Variants in COL23A1 observed in about 807,000 individuals in gnomAD.
COL23A1 encodes the protein collagen alpha-1(XXIII) chain.
Under a neutral mutation model 99.3 loss-of-function variants are expected in COL23A1, and 97 were observed. That is an observed-to-expected ratio of 0.98 (90% confidence interval 0.83 to 1.16). COL23A1 has a LOEUF of 1.16. Among genes scored for constraint, COL23A1 ranks in the 50% most tolerant of loss-of-function variants. The probability of loss-of-function intolerance (pLI) is 0.00; values close to 1 mark genes in which losing one functional copy is unlikely to be tolerated. For missense variants in COL23A1, 762 were observed against 757.4 expected (o/e 1.01, Z -0.07); for synonymous variants, 320 against 308.2 (o/e 1.04, Z -0.40).
In COL23A1 at chr5:178,348,642, G is replaced by A. The variant is rs536975987; in HGVS notation, c.362-41723C>T. 3.9e-5 allele frequency among the ~76,000 whole-genome samples: 6 copies of A among 152,300 alleles called. No homozygotes were observed. In the South Asian group the frequency reaches 6.2e-4, roughly 16 times the overall value. ...GCTGAGCTCCCTGCCTGGCTGCAGA[G>A]CATTCTGCCTCAGGAGGGGAAAGGG... On this transcript the variant is annotated intron_variant, in intron 2 of 28. Coordinates refer to ENST00000390654, the MANE Select transcript of COL23A1 (RefSeq NM_173465.4).
intron 2 of COL23A1, among the ~76,000 whole-genome samples, chr5:178,427,302 C>T (rs1427155184): frequency 6.6e-6 from 1 of 152,230 alleles, no homozygotes; most frequent in African/African-American, 2.4e-5. Flanking sequence ...TATTGGGAAG[C>T]CTCGTCCATT....
chr5:178,269,321 A>T (rs1302264075), intron 6 of COL23A1, among the ~76,000 whole-genome samples: 2 of 149,222 alleles, frequency 1.3e-5, no homozygotes, highest in African/African-American at 2.5e-5. Context: ...CCATCCATCC[A>T]TCCATCCATG....
chr5:178,587,836 T>C (rs1764077728), intron 1 of COL23A1, among the ~76,000 whole-genome samples: 1 of 152,170 alleles, frequency 6.6e-6, no homozygotes, highest in African/African-American at 2.4e-5. Flanking sequence ...CAGTGACATT[T>C]ACAAGAAGAA....
At position 178,446,878 on chromosome 5, in the gene COL23A1, AT is replaced by A. The variant is rs1299610158; in HGVS notation, c.361+113803del. ...CACACCTACTGAATGACTCAAGAGA[AT>A]TTTTAGGAAAAGCCTTAACAGGTTG... On this transcript the variant is annotated intron_variant, in intron 2 of 28. Coordinates refer to ENST00000390654, the MANE Select transcript of COL23A1 (RefSeq NM_173465.4). Among the ~76,000 whole-genome samples the A allele has an allele frequency of 2.0e-5, 3 of 152,284 alleles. No homozygotes were observed. The East Asian group carries it at 5.8e-4, about 29-fold the overall frequency.
At chr5:178,558,149 G>A (rs1461711538) in intron 2 of COL23A1, among the ~76,000 whole-genome samples, 1 of 151,688 alleles carries the variant, frequency 6.6e-6, no homozygotes, top group African/African-American at 2.4e-5. Context: ...GACCTTCTTG[G>A]GGGCCTCTTT....
chr5:178,465,016 G>C (rs2127912909), intron 2 of COL23A1, among the ~76,000 whole-genome samples: 1 of 152,314 alleles, frequency 6.6e-6, no homozygotes, highest in South Asian at 2.1e-4. Context: ...CATTAACATG[G>C]ATGAAGAGGT....
chr5:178,473,128 C>A (rs1397772468), intron 2 of COL23A1, among the ~76,000 whole-genome samples: 2 of 151,676 alleles, frequency 1.3e-5, no homozygotes, highest in African/African-American at 4.8e-5. Flanking sequence ...CTTCGCCATC[C>A]CCCCAAAAAA....
intron 18 of COL23A1, among the ~76,000 whole-genome samples, chr5:178,249,425 G>T (rs1192683808): frequency 6.6e-6 from 1 of 152,244 alleles, no homozygotes; most frequent in Non-Finnish European, 1.5e-5. Context: ...GCACCGCAGG[G>T]CAGGGGCCGG....
At chr5:178,403,120 A>AT (rs1561940540) in intron 2 of COL23A1, among the ~76,000 whole-genome samples, 9 of 89,634 alleles carry the variant, frequency 1.0e-4, no homozygotes, top group African/African-American at 4.1e-4. Flanking sequence ...AAAAAAAAAA[A>AT]AATAAATAAA....
chr5:178,255,002 G>A lies in COL23A1; in HGVS notation c.907C>T (p.Gln303Ter), dbSNP rs1389932496. ...PRGAPGLKGE[Q>*]GDTVVIDYDG... is the part of the protein sequence containing the mutation. ...TAGTCGATCACCACTGTGTCTCCCT[G>A]CTCGCCCTTGAGGCCTGGGGCACCC... Residue 303 changes from glutamine (Q) to a stop codon, truncating the protein, a stop_gained, in exon 16 of 29, where the codon CAG (glutamine) becomes TAG (stop). Coordinates refer to ENST00000390654, the MANE Select transcript of COL23A1 (RefSeq NM_173465.4). LOFTEE classifies it high-confidence loss of function. The surrounding 1 kb of genome is among the most constrained non-coding windows in gnomAD (Gnocchi z 4.2). The A allele has an allele frequency of 2.5e-6, 4 of 1,613,502 alleles. No homozygotes were observed. Among genetic ancestry groups the A allele is most frequent in the Non-Finnish European group, 3.4e-6 (4 of 1,179,700 alleles).
At chr5:178,265,921 G>T (rs1755868728) in intron 8 of COL23A1, 1 of 154,202 alleles carries the variant, frequency 6.5e-6, no homozygotes, top group African/African-American at 2.4e-5. Flanking sequence ...GCCACCTGCG[G>T]CCATGTGACG....
intron 2 of COL23A1, among the ~76,000 whole-genome samples, chr5:178,316,550 A>G (rs1006409420): frequency 6.6e-6 from 1 of 152,170 alleles, no homozygotes; most frequent in African/African-American, 2.4e-5. Context: ...ATCCAGACAG[A>G]ATTCCCGATT....
intron 2 of COL23A1, among the ~76,000 whole-genome samples, chr5:178,412,535 TCTTTA>T (rs1765105139): frequency 6.6e-6 from 1 of 152,232 alleles, no homozygotes. Flanking sequence ...TGTATATCTT[TCTTTA>T]CTTCTCTACC....
At chr5:178,504,314 A>T (rs1002492155) in intron 2 of COL23A1, among the ~76,000 whole-genome samples, 8 of 151,634 alleles carry the variant, frequency 5.3e-5, no homozygotes, top group African/African-American at 1.7e-4. Context: ...AATGCCAATT[A>T]AAAAAAAACC....
At chr5:178,273,772 G>A (rs891741117) in intron 5 of COL23A1, among the ~76,000 whole-genome samples, 1 of 152,246 alleles carries the variant, frequency 6.6e-6, no homozygotes, top group African/African-American at 2.4e-5. Context: ...GGCTGACCTT[G>A]GAGAAGCTGC....
At chr5:178,336,082 A>G (rs1411160775) in intron 2 of COL23A1, among the ~76,000 whole-genome samples, 1 of 152,182 alleles carries the variant, frequency 6.6e-6, no homozygotes, top group African/African-American at 2.4e-5. Context: ...AGGGAAGCCT[A>G]GAGTTTTGGG....
intron 2 of COL23A1, among the ~76,000 whole-genome samples, chr5:178,443,307 C>T (rs1450345558): frequency 6.6e-6 from 1 of 152,240 alleles, no homozygotes; most frequent in East Asian, 1.9e-4. Flanking sequence ...ACGACTTCTA[C>T]TCTGGAAGGT....
At chr5:178,577,721 G>T (rs138041609) in intron 1 of COL23A1, among the ~76,000 whole-genome samples, 6 of 152,382 alleles carry the variant, frequency 3.9e-5, no homozygotes, top group African/African-American at 1.4e-4. Flanking sequence ...AAGGGCCATT[G>T]CTCAGTCCTC....
intron 2 of COL23A1, among the ~76,000 whole-genome samples, chr5:178,442,057 G>A (rs1766898522): frequency 2.0e-5 from 3 of 152,126 alleles, no homozygotes. Context: ...CTGGCCCTCT[G>A]GGACGTCCAA....
Sources: gnomAD v4.1 joint callset for allele counts (sites outside exome capture counted in the v4.1 genomes callset) on GRCh38, gnomAD v4.1.1 for gene constraint, Gnocchi (gnomAD v3.1) non-coding constraint, MANE v1.5 for transcripts, NCBI Gene and HGNC (gene_info 2026-07-23, HGNC 2026-07-21) for gene names.